SASH1: variants seen among roughly 807,000 people sequenced by gnomAD.
The protein encoded by SASH1 is SAM and SH3 domain containing 1, also known as SAM and SH3 domain-containing protein 1.
SASH1 carries 44 observed loss-of-function variants against 125.2 expected under a neutral mutation model. The observed-to-expected ratio is 0.35, with a 90% confidence interval of 0.28 to 0.45. The LOEUF (loss-of-function observed/expected upper bound fraction) is 0.45. SASH1 is among the 20% of genes least tolerant of loss of function. The pLI is 1.00. For missense variants in SASH1, 1,426 were observed against 1,614.5 expected (o/e 0.88, Z 2.00); for synonymous variants, 639 against 649.1 (o/e 0.98, Z 0.24).
At chr6:148,358,025 A>C (rs2114692275) in intron 1 of SASH1, among the ~76,000 whole-genome samples, 1 of 139,186 alleles carries the variant, frequency 7.2e-6, no homozygotes, top group East Asian at 2.2e-4. Flanking sequence ...GCACCGCAGC[A>C]CTCCAGACTG....
At chr6:148,508,878 G>GTC (rs1483093731) in intron 8 of SASH1, 2 of 1,284,392 alleles carry the variant, frequency 1.6e-6, no homozygotes, top group Non-Finnish European at 2.0e-6. Flanking sequence ...GCCGAAGCCG[G>GTC]TAAGTCACTG....
intron 1 of SASH1, among the ~76,000 whole-genome samples, chr6:148,301,717 T>G (rs1779949969): frequency 6.7e-6 from 1 of 149,766 alleles, no homozygotes. Flanking sequence ...TAGCTGGGAC[T>G]ACAGAAACAC....
chr6:148,313,161 G>A (rs1780381627), intron 1 of SASH1, among the ~76,000 whole-genome samples: 2 of 152,160 alleles, frequency 1.3e-5, no homozygotes, highest in East Asian at 1.9e-4. Context: ...GAGACTAGGA[G>A]GGAAGCTTAC....
At chr6:148,527,791 C>G (rs537486962) in intron 12 of SASH1, among the ~76,000 whole-genome samples, 195 bp downstream of exon 12, 1 of 152,168 alleles carries the variant, frequency 6.6e-6, no homozygotes, top group Non-Finnish European at 1.5e-5. Context: ...TGCTCAGCAC[C>G]GTGCTTGGTG....
At chr6:148,210,340 TAAC>T in the SASH1 span, among the ~76,000 whole-genome samples, 1 of 152,090 alleles carries the variant, frequency 6.6e-6, no homozygotes, top group Non-Finnish European at 1.5e-5. Flanking sequence ...CCAGCCTGAC[TAAC>T]AACATGGGGA....
intron 5 of SASH1, among the ~76,000 whole-genome samples, chr6:148,470,699 C>G (rs79018151): frequency 0.11 from 16,398 of 152,144 alleles, 1,024 homozygotes; most frequent in African/African-American, 0.15. Context: ...ATCGGGGGTG[C>G]GGTGGGTAGA....
At chr6:148,194,549 A>C in the SASH1 span, among the ~76,000 whole-genome samples, 1 of 152,168 alleles carries the variant, frequency 6.6e-6, no homozygotes, top group Non-Finnish European at 1.5e-5. Context: ...ATCTTTTATG[A>C]CACTAAGTTT....
At chr6:148,482,065 A>C (rs1030284518) in intron 7 of SASH1, among the ~76,000 whole-genome samples, 1 of 152,216 alleles carries the variant, frequency 6.6e-6, no homozygotes, top group Non-Finnish European at 1.5e-5. Context: ...AGATGTAGAA[A>C]GCCCATACTT....
chr6:148,448,189 C>T (rs915047414), intron 4 of SASH1, among the ~76,000 whole-genome samples: 8 of 151,838 alleles, frequency 5.3e-5, no homozygotes, highest in Admixed American at 3.3e-4. Flanking sequence ...ACCCTGAACT[C>T]CTTGAGCCCT....
At chr6:148,343,889 T>A (rs948084335) in intron 1 of SASH1, among the ~76,000 whole-genome samples, 1 of 152,180 alleles carries the variant, frequency 6.6e-6, no homozygotes, top group Admixed American at 6.5e-5. Flanking sequence ...CTTGGGGAAG[T>A]AATAGATTTG....
intron 4 of SASH1, among the ~76,000 whole-genome samples, chr6:148,457,982 C>T (rs547243279): frequency 6.6e-6 from 1 of 152,324 alleles, no homozygotes; most frequent in South Asian, 2.1e-4. Context: ...AGGTCTCACC[C>T]CTGTTGGCGA....
intron 1 of SASH1, among the ~76,000 whole-genome samples, chr6:148,277,314 T>C (rs1490812774): frequency 6.6e-6 from 1 of 152,206 alleles, no homozygotes; most frequent in African/African-American, 2.4e-5. Flanking sequence ...CTTTCCAAAA[T>C]ACCACGTTAA....
intron 7 of SASH1, among the ~76,000 whole-genome samples, chr6:148,485,159 C>T (rs1287566308): frequency 6.6e-6 from 1 of 152,070 alleles, no homozygotes; most frequent in Non-Finnish European, 1.5e-5. Flanking sequence ...CTAGGAGATG[C>T]AGCTAAGGTT....
rs545291052 is a variant in SASH1 at position 148,357,917 on chromosome 6, C to T, written c.156+14694C>T. Among the ~76,000 whole-genome samples, 43 of 151,720 alleles carry T rather than the reference C, an allele frequency of 2.8e-4. 1 individual carries two copies. The South Asian group carries it at 8.6e-3, about 30-fold the overall frequency. On this transcript the variant is annotated intron_variant, in intron 1 of 19. Transcript: ENST00000367467. ...TCTACTAAAAATACAAAAATTAGCCCGGTGTGGTGGCATGTGCCTGTAATC... is the reference window on the plus strand; with the variant it reads ...TCTACTAAAAATACAAAAATTAGCCTGGTGTGGTGGCATGTGCCTGTAATC...
At chr6:148,341,317 G>GTTTTT (rs1179914037), upstream of SASH1, among the ~76,000 whole-genome samples, 24 of 120,214 alleles carry the variant, frequency 2.0e-4, no homozygotes, top group African/African-American at 7.2e-4. Flanking sequence ...GCTATGTTTT[G>GTTTTT]TTTTTTTTTT....
chr6:148,300,826 A>G (rs1320737165), intron 1 of SASH1, among the ~76,000 whole-genome samples: 1 of 152,144 alleles, frequency 6.6e-6, no homozygotes, highest in East Asian at 1.9e-4. Context: ...CAAGGAAGCA[A>G]CATGAAGCCA....
At chr6:148,443,772 G>A (rs897223815) in intron 4 of SASH1, among the ~76,000 whole-genome samples, 3 of 152,054 alleles carry the variant, frequency 2.0e-5, no homozygotes, top group Non-Finnish European at 4.4e-5. Context: ...ATTTGAATAG[G>A]TTTGATGCAT....
the SASH1 span, among the ~76,000 whole-genome samples, chr6:148,223,571 C>T: frequency 2.6e-5 from 4 of 152,272 alleles, no homozygotes; most frequent in East Asian, 1.9e-4. Flanking sequence ...TAACAATGTT[C>T]GCTCATGTAA....
chr6:148,449,078 C>CTTTTTCTTTTTTTTTTCTTTTTTTTTT, intron 4 of SASH1, among the ~76,000 whole-genome samples: 1 of 88,736 alleles, frequency 1.1e-5, no homozygotes, highest in Non-Finnish European at 2.3e-5. Context: ...CATTTCATTT[C>CTTTTTCTTTTTTTTTTCTTTTTTTTTT]TTTTTTTTTT....
Sources: allele counts gnomAD v4.1 joint callset (sites outside exome capture counted in the v4.1 genomes callset), GRCh38; gene constraint gnomAD v4.1.1; transcripts MANE v1.5; gene names NCBI Gene and HGNC (gene_info 2026-07-23, HGNC 2026-07-21).